Variants in AGBL1 observed in about 807,000 individuals in gnomAD.
AGBL1 encodes AGBL carboxypeptidase 1, also known as cytosolic carboxypeptidase 4.
AGBL1 carries 130 observed loss-of-function variants against 118.9 expected under a neutral mutation model. That is an observed-to-expected ratio of 1.09 (90% confidence interval 0.95 to 1.26). AGBL1 has a LOEUF of 1.26. Ranked by LOEUF, AGBL1 falls within the 50% of genes most tolerant of loss-of-function variation. The pLI is 0.00. For synonymous variants in AGBL1, 555 were observed against 478.9 expected, an observed-to-expected ratio of 1.16 and a Z score of -2.08; for missense variants, 1,584 against 1,298.1, an observed-to-expected ratio of 1.22 and a Z score of -3.38.
Position 86,829,854 on chromosome 15 carries a change from C to T in AGBL1, c.3159-77233C>T, listed in dbSNP as rs781659235. Among the ~76,000 whole-genome samples the T allele has an allele frequency of 4.6e-5, 7 of 152,094 alleles. No individual in the cohort carries two copies. The South Asian group carries it at 8.3e-4, about 18-fold the overall frequency. ...GACTTTTGGTTGGGAAAACTAGTTG[C>T]GTGCATTTGTTCAGTTCATTGCAGA... On this transcript the variant is annotated intron_variant, in intron 22 of 22. Coordinates refer to ENST00000614907, the MANE Select transcript of AGBL1 (RefSeq NM_001386094.1).
intron 18 of AGBL1, among the ~76,000 whole-genome samples, chr15:86,502,702 C>G (rs2082931655): frequency 6.6e-6 from 1 of 150,936 alleles, no homozygotes. Flanking sequence ...ATTCTGTTAA[C>G]ATGGTGTATT....
chr15:86,389,575 G>T (rs1037040130), intron 17 of AGBL1, among the ~76,000 whole-genome samples: 1 of 152,168 alleles, frequency 6.6e-6, no homozygotes, highest in Non-Finnish European at 1.5e-5. Context: ...GTTTGTAGAT[G>T]CAGCAAGGAG....
At chr15:86,994,137 A>G (rs1165110161) in intron 24 of AGBL1, among the ~76,000 whole-genome samples, 1 of 152,214 alleles carries the variant, frequency 6.6e-6, no homozygotes, top group African/African-American at 2.4e-5. Flanking sequence ...CAGCAAAGAA[A>G]GTAACCAGGA....
intron 18 of AGBL1, among the ~76,000 whole-genome samples, chr15:86,403,352 A>T (rs2081476511): frequency 6.6e-6 from 1 of 152,192 alleles, no homozygotes; most frequent in Non-Finnish European, 1.5e-5. Context: ...CCATTGTGGA[A>T]CAGAAGCAAA....
At chr15:86,189,826 G>T (rs1385794162) in intron 5 of AGBL1, among the ~76,000 whole-genome samples, 1 of 152,120 alleles carries the variant, frequency 6.6e-6, no homozygotes, top group Non-Finnish European at 1.5e-5. Context: ...ACACAAATAG[G>T]CTAAGATGTA....
At chr15:86,604,622 T>C (rs767545254) in intron 21 of AGBL1, among the ~76,000 whole-genome samples, 1 of 152,182 alleles carries the variant, frequency 6.6e-6, no homozygotes, top group African/African-American at 2.4e-5. Context: ...ACCTGTACAG[T>C]TGGGTTGACA....
At chr15:86,955,774 A>C (rs192064097) in intron 23 of AGBL1, among the ~76,000 whole-genome samples, 1 of 152,040 alleles carries the variant, frequency 6.6e-6, no homozygotes, top group Non-Finnish European at 1.5e-5. Context: ...AATCAACTAG[A>C]CTCGATTTTT....
chr15:86,971,862 C>T (rs1277201494), intron 23 of AGBL1, among the ~76,000 whole-genome samples: 3 of 151,844 alleles, frequency 2.0e-5, no homozygotes, highest in Non-Finnish European at 2.9e-5. Flanking sequence ...GAGGCAGTTT[C>T]GCCTATGATG....
intron 17 of AGBL1, among the ~76,000 whole-genome samples, chr15:86,380,233 C>T (rs1331983677): frequency 5.3e-5 from 8 of 149,802 alleles, no homozygotes; most frequent in South Asian, 4.3e-4. Context: ...ATTCCCTCCC[C>T]TGCCTGCCTG....
At chr15:86,919,530 G>T (rs2080463072), downstream of AGBL1, among the ~76,000 whole-genome samples, 1 of 150,998 alleles carries the variant, frequency 6.6e-6, no homozygotes, top group Non-Finnish European at 1.5e-5. Context: ...AAATCTCTAG[G>T]GCTCATCAAT....
At chr15:86,091,579 T>A (rs1329261656) in intron 1 of AGBL1, among the ~76,000 whole-genome samples, 1 of 152,216 alleles carries the variant, frequency 6.6e-6, no homozygotes, top group African/African-American at 2.4e-5. Flanking sequence ...GTTTTTCTTT[T>A]TTAATCCCAC....
intron 22 of AGBL1, among the ~76,000 whole-genome samples, chr15:86,893,446 C>T (rs763059561): frequency 2.0e-5 from 3 of 152,142 alleles, no homozygotes; most frequent in Non-Finnish European, 4.4e-5. Flanking sequence ...TTATTTTTCA[C>T]TATAGGAAGC....
At chr15:86,773,232 G>A (rs1206287963) in intron 22 of AGBL1, among the ~76,000 whole-genome samples, 1 of 152,042 alleles carries the variant, frequency 6.6e-6, no homozygotes, top group African/African-American at 2.4e-5. Flanking sequence ...AAAAAGACTT[G>A]CAAAAAGAAT....
chr15:86,766,175 T>C (rs1451150403), intron 22 of AGBL1, among the ~76,000 whole-genome samples: 1 of 151,878 alleles, frequency 6.6e-6, no homozygotes, highest in Non-Finnish European at 1.5e-5. Context: ...TTGTCCAGGG[T>C]CACACAGCCA....
chr15:86,629,543 A>G (rs772235981), intron 21 of AGBL1, among the ~76,000 whole-genome samples: 5 of 152,206 alleles, frequency 3.3e-5, no homozygotes, highest in Non-Finnish European at 4.4e-5. Context: ...AAAATAACGC[A>G]CCCTTTGAAT....
At chr15:86,396,672 A>G (rs554791872) in intron 17 of AGBL1, among the ~76,000 whole-genome samples, 6 of 152,176 alleles carry the variant, frequency 3.9e-5, no homozygotes, top group Non-Finnish European at 7.4e-5. Context: ...ACGAATGAGG[A>G]GGGAAAGAGC....
chr15:86,845,778 A>G (rs1049493643), intron 22 of AGBL1, among the ~76,000 whole-genome samples: 4 of 152,234 alleles, frequency 2.6e-5, no homozygotes, highest in Non-Finnish European at 5.9e-5. Context: ...TGTATTTTCT[A>G]TTTCTTCATG....
intron 22 of AGBL1, among the ~76,000 whole-genome samples, chr15:86,888,110 T>C (rs1243848382): frequency 6.6e-6 from 1 of 152,034 alleles, no homozygotes; most frequent in East Asian, 1.9e-4. Flanking sequence ...TTCTTTTCGT[T>C]TGGGCCCACA....
At chr15:86,892,139 C>G (rs17646980) in intron 22 of AGBL1, among the ~76,000 whole-genome samples, 20,238 of 152,018 alleles carry the variant, frequency 0.13, 1,607 homozygotes, top group Non-Finnish European at 0.18. Flanking sequence ...GGTCAAACAC[C>G]GTCTCTCCTT....
Sources: gnomAD v4.1 joint callset for allele counts (sites outside exome capture counted in the v4.1 genomes callset) on GRCh38, gnomAD v4.1.1 for gene constraint, MANE v1.5 for transcripts, NCBI Gene and HGNC (gene_info 2026-07-23, HGNC 2026-07-21) for gene names.